KIAA1549L: variants seen among roughly 807,000 people sequenced by gnomAD.
The protein encoded by KIAA1549L is KIAA1549 like.
In KIAA1549L, 88 loss-of-function variants were observed where a neutral mutation model predicts 160.7. That is an observed-to-expected ratio of 0.55 (90% CI 0.46 to 0.65). The LOEUF is 0.65. Ranked by LOEUF, KIAA1549L falls within the 30% of genes least tolerant of loss-of-function variation. The probability of loss-of-function intolerance (pLI) is 0.00; values close to 1 mark genes in which losing one functional copy is unlikely to be tolerated. For synonymous variants in KIAA1549L, 950 were observed against 976.7 expected (o/e 0.97, Z 0.51); for missense variants, 2,258 against 2,437.5 (o/e 0.93, Z 1.55).
intron 17 of KIAA1549L, among the ~76,000 whole-genome samples, chr11:33,655,589 TG>T (rs1247804791): frequency 5.3e-5 from 8 of 152,206 alleles, no homozygotes; most frequent in African/African-American, 1.4e-4. Flanking sequence ...CTCTAGTTGG[TG>T]GCAGATCGTA....
At chr11:33,529,782 A>T (rs1179341522) in intron 1 of KIAA1549L, among the ~76,000 whole-genome samples, 1 of 152,244 alleles carries the variant, frequency 6.6e-6, no homozygotes, top group Non-Finnish European at 1.5e-5. Context: ...TTGAGCAAAT[A>T]AGGGAGATAA....
At chr11:33,484,119 C>T (rs1403081383) in intron 1 of KIAA1549L, among the ~76,000 whole-genome samples, 1 of 152,070 alleles carries the variant, frequency 6.6e-6, no homozygotes, top group Non-Finnish European at 1.5e-5. Flanking sequence ...TAATTATTTT[C>T]TATTATTTCT....
At chr11:33,424,371 G>A (rs1011666484) in intron 1 of KIAA1549L, among the ~76,000 whole-genome samples, 1 of 152,138 alleles carries the variant, frequency 6.6e-6, no homozygotes, top group East Asian at 1.9e-4. Context: ...ATCAAGCAAA[G>A]GCAGCTTTGC....
At chr11:33,423,908 G>T (rs901978320) in intron 1 of KIAA1549L, among the ~76,000 whole-genome samples, 3 of 152,088 alleles carry the variant, frequency 2.0e-5, no homozygotes, top group Non-Finnish European at 4.4e-5. Context: ...ATGTGCCTGT[G>T]GTCTCAGCTA....
At position 33,544,211 on chromosome 11, in the gene KIAA1549L, C is replaced by G. The variant is rs756839939; in HGVS notation, c.2648C>G (p.Ala883Gly). The G allele has an allele frequency of 9.9e-6, 16 of 1,613,896 alleles. No homozygotes were observed. Among genetic ancestry groups the G allele is most frequent in the African/African-American group, 2.7e-5 (2 of 74,922 alleles). The change falls in exon 2 of 21, where the codon GCT becomes GGT. Residue 883 changes from alanine to glycine, a missense_variant. Physicochemically the swap from Ala to Gly is moderately conservative, Grantham distance 60 (BLOSUM62 0). Coordinates refer to ENST00000658780, the MANE Select transcript of KIAA1549L (RefSeq NM_012194.3). ...ATCAATTCATCACCTGAGAGAAATG[C>G]TTCCACACCATTCCAGAACATCTTG... The part of the protein sequence containing the change: ...SDINSSPERN[A>G]STPFQNILGY...
chr11:33,664,438 TC>T (rs1164841112), intron 20 of KIAA1549L, among the ~76,000 whole-genome samples: 7 of 152,214 alleles, frequency 4.6e-5, no homozygotes, highest in Non-Finnish European at 1.0e-4. Context: ...GGGGCTGCTT[TC>T]CTACCACACA....
At chr11:33,411,362 C>A (rs1437757673) in intron 1 of KIAA1549L, among the ~76,000 whole-genome samples, 1 of 152,160 alleles carries the variant, frequency 6.6e-6, no homozygotes, top group Non-Finnish European at 1.5e-5. Context: ...ATCCTGACTC[C>A]ACCTGAGACA....
intron 5 of KIAA1549L, among the ~76,000 whole-genome samples, 189 bp from the exon 6 acceptor site, chr11:33,551,919 T>C (rs1386368412): frequency 1.3e-5 from 2 of 152,250 alleles, no homozygotes; most frequent in African/African-American, 4.8e-5. Flanking sequence ...TGCTTTTAAT[T>C]CTTCTGTGTT....
intron 16 of KIAA1549L, among the ~76,000 whole-genome samples, chr11:33,643,650 C>T (rs1212578719): frequency 6.6e-6 from 1 of 152,128 alleles, no homozygotes; most frequent in East Asian, 1.9e-4. Flanking sequence ...GAGGCAGTGC[C>T]GTGCTGCAGG....
Position 33,544,157 on chromosome 11 carries a change from C to T in KIAA1549L, c.2594C>T (p.Thr865Ile). 1.2e-6 allele frequency: 2 copies of T among 1,614,054 alleles called. No individual in the cohort carries two copies. The highest frequency in any genetic ancestry group is 1.7e-6 in the Non-Finnish European group (2 of 1,179,904). ...GSLQEMLSDG[T>I]DTGSEISSDI... is the part of the protein sequence containing the mutation. ...TTGCAGGAAATGCTTTCAGATGGAA[C>T]AGATACAGGTTCTGAAATTTCCAGT... The change falls in exon 2 of 21, where the codon ACA becomes ATA. Residue 865 changes from threonine (T) to isoleucine (I), a missense_variant. Around this residue, in one of 6 missense-constraint regions of KIAA1549L, gnomAD observed 287 missense variants for 292.3 expected, o/e 0.98. Coordinates refer to ENST00000658780, the MANE Select transcript of KIAA1549L (RefSeq NM_012194.3).
At chr11:33,378,270 C>T (rs1194215210) in intron 1 of KIAA1549L, among the ~76,000 whole-genome samples, 2 of 152,174 alleles carry the variant, frequency 1.3e-5, no homozygotes, top group African/African-American at 4.8e-5. Flanking sequence ...TTCATTTGTT[C>T]AGCCATCTGT....
rs768567272 is a variant in KIAA1549L at position 33,543,071 on chromosome 11, C to G, written c.1508C>G (p.Ser503Cys). The G allele has an allele frequency of 1.9e-6, 3 of 1,613,934 alleles. No individual in the cohort carries two copies. The highest frequency in any genetic ancestry group is 2.5e-6 in the Non-Finnish European group (3 of 1,179,902). Residue 503 changes from serine (S) to cysteine (C), a missense_variant, in exon 2 of 21, where the codon TCC becomes TGC. Around this residue, in one of 6 missense-constraint regions of KIAA1549L, gnomAD observed 540 missense variants for 465.7 expected, o/e 1.16. Transcript: ENST00000658780. The part of the protein sequence containing the change: ...SPSTGTADFP[S>C]ILTFLQPTEN... ...TCAACTGGGACAGCCGACTTTCCCT[C>G]CATACTTACTTTCCTCCAGCCCACA...
intron 1 of KIAA1549L, among the ~76,000 whole-genome samples, chr11:33,454,946 G>A (rs1355376875): frequency 6.6e-6 from 1 of 152,142 alleles, no homozygotes; most frequent in Non-Finnish European, 1.5e-5. Flanking sequence ...AAAAATAGCC[G>A]GGCGTGGTGG....
chr11:33,646,596 T>C (rs1851730188), intron 17 of KIAA1549L, among the ~76,000 whole-genome samples: 1 of 152,224 alleles, frequency 6.6e-6, no homozygotes, highest in South Asian at 2.1e-4. Flanking sequence ...CATAAATCCA[T>C]GATAGCAAGA....
intron 1 of KIAA1549L, among the ~76,000 whole-genome samples, chr11:33,488,529 G>C (rs1291594828): frequency 2.0e-5 from 3 of 152,162 alleles, no homozygotes; most frequent in Admixed American, 2.0e-4. Flanking sequence ...ATCAGATGCT[G>C]TTTTAGGAGC....
intron 1 of KIAA1549L, among the ~76,000 whole-genome samples, chr11:33,444,041 A>G (rs535638710): frequency 6.6e-5 from 10 of 152,226 alleles, no homozygotes; most frequent in African/African-American, 1.9e-4. Flanking sequence ...CCAGTAAAAT[A>G]TTAAATTAGA....
At chr11:33,534,031 G>A (rs1162159406) in intron 1 of KIAA1549L, among the ~76,000 whole-genome samples, 1 of 152,120 alleles carries the variant, frequency 6.6e-6, no homozygotes, top group Non-Finnish European at 1.5e-5. Flanking sequence ...GCCAGTTTGG[G>A]GCTTGTGCAG....
At chr11:33,416,727 A>AAG (rs1205246261) in intron 1 of KIAA1549L, among the ~76,000 whole-genome samples, 1 of 152,190 alleles carries the variant, frequency 6.6e-6, no homozygotes, top group Non-Finnish European at 1.5e-5. Flanking sequence ...TTCAAAACAA[A>AAG]CAAGGGATGG....
chr11:33,556,995 A>G (rs1487245299), intron 6 of KIAA1549L, among the ~76,000 whole-genome samples: 2 of 152,034 alleles, frequency 1.3e-5, no homozygotes, highest in Non-Finnish European at 2.9e-5. Flanking sequence ...TTTTTGTTTC[A>G]TTTTGTTTTA....
Sources: gnomAD v4.1 joint callset for allele counts (sites outside exome capture counted in the v4.1 genomes callset) on GRCh38, gnomAD v4.1.1 for gene constraint, gnomAD v4.1.1 regional missense constraint, MANE v1.5 for transcripts, NCBI Gene and HGNC (gene_info 2026-07-23, HGNC 2026-07-21) for gene names.